Variants in DPYD observed in about 807,000 individuals in gnomAD.
DPYD encodes the protein dihydropyrimidine dehydrogenase, also known as dihydropyrimidine dehydrogenase [NADP(+)].
A neutral mutation model predicts 116.2 loss-of-function variants in DPYD; 109 were observed. That is an observed-to-expected ratio of 0.94 (90% CI 0.80 to 1.10). The LOEUF (loss-of-function observed/expected upper bound fraction) is 1.10, where lower values mean the gene tolerates loss of function less well. Among genes scored for constraint, DPYD ranks in the 50% least tolerant of loss-of-function variants. The pLI is 0.00. For synonymous variants in DPYD, 440 were observed against 432.0 expected (o/e 1.02, Z -0.23); for missense variants, 1,302 against 1,254.5 (o/e 1.04, Z -0.57).
chr1:97,274,712 C>T (rs74104334), intron 18 of DPYD, among the ~76,000 whole-genome samples: 197 of 152,162 alleles, frequency 1.3e-3, no homozygotes, highest in African/African-American at 4.3e-3. Context: ...AATGGCAAAA[C>T]GCGCAATTAC....
Position 97,394,278 on chromosome 1 carries a change from C to T in DPYD, c.1906-11817G>A, listed in dbSNP as rs557171688. The T allele has an allele frequency of 1.4e-3, 216 of 152,220 alleles. 1 individual carries two copies. Among genetic ancestry groups the T allele is most frequent in the African/African-American group, 4.8e-3 (200 of 41,546 alleles). 9.4% of individuals were successfully genotyped at this position (152,220 alleles called of 1,614,324 possible). A position where few individuals can be genotyped will look rare whatever the true frequency, so the allele number is the denominator to read the frequency against. On this transcript the variant is annotated intron_variant, in intron 14 of 22. Transcript: ENST00000370192. ...TCTGACGGTAGTTTCTTTTGCTGTG[C>T]AGAAGCTCTTTAGTTTAATTAGATC...
At chr1:97,505,369 G>A (rs1484658621) in intron 13 of DPYD, among the ~76,000 whole-genome samples, 1 of 151,676 alleles carries the variant, frequency 6.6e-6, no homozygotes, top group Non-Finnish European at 1.5e-5. Context: ...TCTTACATAT[G>A]CTCGGTTCTC....
intron 13 of DPYD, among the ~76,000 whole-genome samples, chr1:97,476,902 T>C (rs1677999249): frequency 6.6e-6 from 1 of 152,212 alleles, no homozygotes; most frequent in Non-Finnish European, 1.5e-5. Context: ...AAGTGTGTAA[T>C]AGCATTAGGT....
At chr1:97,152,078 G>A (rs1371780746) in intron 20 of DPYD, among the ~76,000 whole-genome samples, 2 of 152,152 alleles carry the variant, frequency 1.3e-5, no homozygotes, top group East Asian at 3.9e-4. Context: ...AATCAACATG[G>A]CTTGAAGTTT....
At chr1:97,226,640 A>G (rs1661186211) in intron 19 of DPYD, among the ~76,000 whole-genome samples, 2 of 152,196 alleles carry the variant, frequency 1.3e-5, no homozygotes, top group Admixed American at 1.3e-4. Flanking sequence ...TAGCATAAAA[A>G]TAAACACTTA....
chr1:97,343,531 G>A (rs1669689516), intron 16 of DPYD, among the ~76,000 whole-genome samples: 1 of 152,040 alleles, frequency 6.6e-6, no homozygotes, highest in South Asian at 2.1e-4. Context: ...TTAACACAGA[G>A]TAAAAACATT....
At chr1:97,280,657 A>C (rs1665263020) in intron 18 of DPYD, among the ~76,000 whole-genome samples, 1 of 152,198 alleles carries the variant, frequency 6.6e-6, no homozygotes, top group African/African-American at 2.4e-5. Flanking sequence ...CAAATACTGC[A>C]TGAACTCACT....
At chr1:97,522,851 C>T (rs558290240) in intron 12 of DPYD, among the ~76,000 whole-genome samples, 15 of 152,136 alleles carry the variant, frequency 9.9e-5, no homozygotes, top group Admixed American at 5.2e-4. Context: ...CATATACTTC[C>T]TACATCTCCT....
intron 19 of DPYD, among the ~76,000 whole-genome samples, chr1:97,205,265 A>G (rs999093678): frequency 2.0e-5 from 3 of 152,066 alleles, no homozygotes; most frequent in Non-Finnish European, 2.9e-5. Context: ...AGAGTTTTAT[A>G]CAGAATAGCT....
chr1:97,912,743 G>C (rs1674015530), intron 1 of DPYD, among the ~76,000 whole-genome samples: 1 of 152,060 alleles, frequency 6.6e-6, no homozygotes, highest in Non-Finnish European at 1.5e-5. Flanking sequence ...ACATTTTGTG[G>C]TGAACGGTAA....
At chr1:97,254,963 C>T (rs187849472) in intron 18 of DPYD, among the ~76,000 whole-genome samples, 1 of 152,230 alleles carries the variant, frequency 6.6e-6, no homozygotes, top group Admixed American at 6.6e-5. Context: ...AGGTTTGATG[C>T]TTAACACCTG....
chr1:97,778,188 AAGAG>A (rs72197937), intron 3 of DPYD, among the ~76,000 whole-genome samples: 36 of 106,296 alleles, frequency 3.4e-4, no homozygotes, highest in Middle Eastern at 5.2e-3. Flanking sequence ...GAAAGAAAGA[AAGAG>A]AGAGAGAGAG....
chr1:97,718,298 C>T (rs983836844), intron 5 of DPYD, among the ~76,000 whole-genome samples: 1 of 151,178 alleles, frequency 6.6e-6, no homozygotes, highest in Non-Finnish European at 1.5e-5. Flanking sequence ...TGTCCTTAGC[C>T]TACTTTTTGA....
chr1:97,211,833 T>C (rs1013400617), intron 19 of DPYD, among the ~76,000 whole-genome samples: 6 of 152,234 alleles, frequency 3.9e-5, no homozygotes, highest in South Asian at 2.1e-4. Flanking sequence ...TTTTGTTACA[T>C]TGCTGATACT....
intron 18 of DPYD, among the ~76,000 whole-genome samples, chr1:97,263,537 G>T (rs1664026413): frequency 6.6e-6 from 1 of 151,992 alleles, no homozygotes; most frequent in Non-Finnish European, 1.5e-5. Context: ...ATGCTGTGAG[G>T]TTTTGAAGCT....
chr1:97,375,765 G>T (rs1205173349), intron 15 of DPYD, among the ~76,000 whole-genome samples: 1 of 152,216 alleles, frequency 6.6e-6, no homozygotes, highest in Non-Finnish European at 1.5e-5. Context: ...TACCAGCTTA[G>T]TGAAAAGATT....
At chr1:97,136,261 C>G (rs1052990440) in intron 20 of DPYD, among the ~76,000 whole-genome samples, 2 of 152,188 alleles carry the variant, frequency 1.3e-5, no homozygotes, top group African/African-American at 2.4e-5. Flanking sequence ...GGAATCATTA[C>G]ACAAATAAAA....
intron 7 of DPYD, among the ~76,000 whole-genome samples, chr1:97,681,825 T>C (rs547794535): frequency 2.0e-4 from 31 of 152,296 alleles, no homozygotes; most frequent in African/African-American, 7.2e-4. Flanking sequence ...AACATTCTAA[T>C]AGAATATTAG....
intron 16 of DPYD, among the ~76,000 whole-genome samples, chr1:97,337,663 T>G (rs1570552291): frequency 6.6e-6 from 1 of 152,052 alleles, no homozygotes; most frequent in Middle Eastern, 3.4e-3. Context: ...TTTTTTTTTT[T>G]TTTTTTTGGA....
Sources: gnomAD v4.1 joint callset for allele counts (sites outside exome capture counted in the v4.1 genomes callset) on GRCh38, gnomAD v4.1.1 for gene constraint, MANE v1.5 for transcripts, NCBI Gene and HGNC (gene_info 2026-07-23, HGNC 2026-07-21) for gene names.